NEGR1: variants seen among roughly 807,000 people sequenced by gnomAD.
NEGR1 encodes the protein neuronal growth regulator 1, also known as IgLON family member 4.
In NEGR1, 10 loss-of-function variants were observed where a neutral mutation model predicts 40.9. The observed-to-expected ratio is 0.24, with a 90% confidence interval of 0.15 to 0.42. The LOEUF is 0.42. NEGR1 is among the 10% of genes least tolerant of loss of function. The pLI, the probability that NEGR1 is intolerant of heterozygous loss-of-function variation, is 1.00. For missense variants in NEGR1, 352 were observed against 438.9 expected (o/e 0.80, Z 1.77); for synonymous variants, 185 against 166.8 (o/e 1.11, Z -0.84).
intron 6 of NEGR1, among the ~76,000 whole-genome samples, chr1:71,501,668 A>G (rs1277231416): frequency 1.3e-5 from 2 of 152,202 alleles, no homozygotes; most frequent in Non-Finnish European, 2.9e-5. Flanking sequence ...CACTGGTGAC[A>G]TGTCAAAGAA....
At chr1:71,897,461 A>G (rs1661004682) in intron 2 of NEGR1, among the ~76,000 whole-genome samples, 1 of 152,182 alleles carries the variant, frequency 6.6e-6, no homozygotes, top group African/African-American at 2.4e-5. Context: ...AGTGTGAAAT[A>G]CTAGTCTGAT....
intron 6 of NEGR1, among the ~76,000 whole-genome samples, chr1:71,541,435 T>C (rs1647699742): frequency 6.6e-6 from 1 of 151,724 alleles, no homozygotes; most frequent in Non-Finnish European, 1.5e-5. Flanking sequence ...AAAAGGCAGC[T>C]TGAGGGTGGA....
chr1:71,844,222 C>G (rs1252346000), intron 2 of NEGR1, among the ~76,000 whole-genome samples: 5 of 152,034 alleles, frequency 3.3e-5, no homozygotes, highest in African/African-American at 1.2e-4. Flanking sequence ...TGTAACCATC[C>G]CTTAACAAAG....
chr1:71,654,376 C>A (rs561236804), intron 4 of NEGR1, among the ~76,000 whole-genome samples: 1 of 152,170 alleles, frequency 6.6e-6, no homozygotes, highest in South Asian at 2.1e-4. Context: ...TCAATTGTTG[C>A]AAATATACTA....
At chr1:72,163,169 T>C (rs1570063443) in intron 1 of NEGR1, among the ~76,000 whole-genome samples, 1 of 152,178 alleles carries the variant, frequency 6.6e-6, no homozygotes, top group Non-Finnish European at 1.5e-5. Context: ...TATTCTATCC[T>C]GCTGCCATCC....
At chr1:72,149,303 C>T (rs1432792204) in intron 1 of NEGR1, among the ~76,000 whole-genome samples, 1 of 152,096 alleles carries the variant, frequency 6.6e-6, no homozygotes, top group African/African-American at 2.4e-5. Flanking sequence ...CTACCTCCCC[C>T]TGGGTCCCTC....
intron 1 of NEGR1, among the ~76,000 whole-genome samples, chr1:72,134,367 G>A (rs550651421): frequency 4.0e-5 from 6 of 151,552 alleles, no homozygotes; most frequent in Middle Eastern, 3.4e-3. Flanking sequence ...CACCACGCCC[G>A]CTAATGTTTT....
chr1:72,254,610 G>A (rs752181256), intron 1 of NEGR1, among the ~76,000 whole-genome samples: 2 of 151,356 alleles, frequency 1.3e-5, no homozygotes, highest in Non-Finnish European at 2.9e-5. Context: ...GCTGAGGCAG[G>A]AGAATGGTGT....
chr1:71,487,067 A>G (rs569056145), intron 6 of NEGR1: 21 of 151,732 alleles, frequency 1.4e-4, no homozygotes, highest in African/African-American at 4.8e-4. Flanking sequence ...GACACAATAC[A>G]TAGAAGATTT....
intron 1 of NEGR1, among the ~76,000 whole-genome samples, chr1:72,165,341 A>G (rs943698297): frequency 7.2e-5 from 11 of 152,214 alleles, no homozygotes; most frequent in Non-Finnish European, 1.5e-4. Context: ...TTTTAAACAA[A>G]GATGTCAACA....
In NEGR1 at chr1:71,406,935, C is replaced by G. The variant is rs1254286938; in HGVS notation, c.*511G>C. ...CTGAATATCATGCGAGCAGAAAAAT[C>G]TAGATATGTGTTATATTTTGAAGAA... On this transcript the variant is annotated 3_prime_UTR_variant, in exon 7 of 7. Transcript: ENST00000357731. 1 of 152,300 alleles carries G rather than the reference C, an allele frequency of 6.6e-6. No individual in the cohort carries two copies. The highest frequency in any genetic ancestry group is 2.4e-5 in the African/African-American group (1 of 41,356). 9.4% of individuals were successfully genotyped at this position (152,300 alleles called of 1,614,324 possible).
At chr1:71,701,895 A>T (rs999628321) in intron 3 of NEGR1, among the ~76,000 whole-genome samples, 2 of 152,108 alleles carry the variant, frequency 1.3e-5, no homozygotes, top group African/African-American at 4.8e-5. Context: ...AAGAACAAAA[A>T]TTTCATGACA....
chr1:71,853,112 A>G (rs1214182317), intron 2 of NEGR1, among the ~76,000 whole-genome samples: 1 of 152,060 alleles, frequency 6.6e-6, no homozygotes, highest in East Asian at 1.9e-4. Flanking sequence ...TTTTCAGGGA[A>G]AGGATTGGAA....
At chr1:72,017,126 A>ATGTGTGTGTG (rs143863573) in intron 1 of NEGR1, among the ~76,000 whole-genome samples, 10 of 146,880 alleles carry the variant, frequency 6.8e-5, no homozygotes, top group African/African-American at 2.3e-4. Context: ...ATACACATAT[A>ATGTGTGTGTG]TGTGTGTGTG....
chr1:71,597,472 C>CTCTGTG (rs756076229), intron 5 of NEGR1, among the ~76,000 whole-genome samples: 6 of 31,334 alleles, frequency 1.9e-4, no homozygotes, highest in Admixed American at 5.7e-4. Context: ...CTCTCTCTCT[C>CTCTGTG]TGTGTGTGTG....
intron 1 of NEGR1, among the ~76,000 whole-genome samples, chr1:71,956,828 G>A (rs1187368531): frequency 6.6e-6 from 1 of 152,070 alleles, no homozygotes; most frequent in African/African-American, 2.4e-5. Context: ...TTGTTATTCT[G>A]CCACCAACTA....
rs1646317596 is a variant in NEGR1, at chr1:71,977,677, A to C, written c.177-42366T>G. 3.3e-5 allele frequency among the ~76,000 whole-genome samples: 5 copies of C among 151,612 alleles called. No homozygotes were observed. In the South Asian group the frequency reaches 1.0e-3, roughly 32 times the overall value. ...AGAACACACCAGCTTGCATACTTTT[A>C]CTGTCTTGTCATTATGAAAATTTTT... On this transcript the variant is annotated intron_variant, in intron 1 of 6. Transcript: ENST00000357731.
At chr1:72,266,242 C>G (rs1054687011) in intron 1 of NEGR1, among the ~76,000 whole-genome samples, 3 of 150,774 alleles carry the variant, frequency 2.0e-5, no homozygotes, top group African/African-American at 7.3e-5. Context: ...ACATATATTC[C>G]AAATGGATCT....
intron 6 of NEGR1, among the ~76,000 whole-genome samples, chr1:71,414,250 G>A (rs1481856345): frequency 2.9e-4 from 44 of 152,274 alleles, no homozygotes; most frequent in Non-Finnish European, 5.9e-5. Flanking sequence ...AATTGACAGT[G>A]TGATCCTGTT....
Sources: allele counts gnomAD v4.1 joint callset (sites outside exome capture counted in the v4.1 genomes callset), GRCh38; gene constraint gnomAD v4.1.1; transcripts MANE v1.5; gene names NCBI Gene and HGNC (gene_info 2026-07-23, HGNC 2026-07-21).